The following CCSER1 variants were observed in gnomAD, a reference collection of about 807,000 sequenced individuals.
The protein encoded by CCSER1 is coiled-coil serine rich protein 1, also known as serine-rich coiled-coil domain-containing protein 1.
A neutral mutation model predicts 82.0 loss-of-function variants in CCSER1; 41 were observed. That is an observed-to-expected ratio of 0.50 (90% CI 0.39 to 0.65). CCSER1 has a LOEUF of 0.65. CCSER1 is among the 30% of genes least tolerant of loss of function. The pLI is 0.00. For synonymous variants in CCSER1, 414 were observed against 383.9 expected (o/e 1.08, Z -0.92); for missense variants, 1,119 against 1,064.2 (o/e 1.05, Z -0.72).
intron 4 of CCSER1, among the ~76,000 whole-genome samples, chr4:90,442,390 CA>C (rs1056798434): frequency 2.8e-4 from 43 of 152,052 alleles, no homozygotes; most frequent in Admixed American, 1.0e-3. Context: ...CCCCAAGGAC[CA>C]CCAGAAAAAC....
intron 9 of CCSER1, among the ~76,000 whole-genome samples, chr4:90,927,473 A>G (rs1162262771): frequency 4.6e-5 from 7 of 152,000 alleles, no homozygotes; most frequent in Non-Finnish European, 1.0e-4. Context: ...TTGGCTTCTT[A>G]AAATGGACTG....
intron 10 of CCSER1, among the ~76,000 whole-genome samples, chr4:91,102,004 T>C (rs543491810): frequency 1.3e-5 from 2 of 151,444 alleles, no homozygotes; most frequent in Non-Finnish European, 2.9e-5. Flanking sequence ...AGGATTTTCC[T>C]CACTTTTGCA....
intron 9 of CCSER1, among the ~76,000 whole-genome samples, chr4:90,975,615 A>G (rs1483128822): frequency 6.6e-6 from 1 of 151,154 alleles, no homozygotes; most frequent in African/African-American, 2.4e-5. Context: ...AGTTACTGCA[A>G]CTTCTCTCTG....
At chr4:91,595,943 T>TAAAAAAAAAAAAAAAAAAAA (rs1170927227) in intron 10 of CCSER1, among the ~76,000 whole-genome samples, 1 of 78,888 alleles carries the variant, frequency 1.3e-5, no homozygotes, top group Non-Finnish European at 2.3e-5. Context: ...ACAGAGAACT[T>TAAAAAAAAAAAAAAAAAAAA]AAAAAAAAAA....
At chr4:90,218,215 T>G (rs1560816796) in intron 1 of CCSER1, among the ~76,000 whole-genome samples, 3 of 152,246 alleles carry the variant, frequency 2.0e-5, no homozygotes, top group Non-Finnish European at 4.4e-5. Context: ...TTCATTCATA[T>G]GCTGAATCAC....
intron 9 of CCSER1, among the ~76,000 whole-genome samples, chr4:90,929,960 A>G (rs940623224): frequency 6.6e-6 from 1 of 152,246 alleles, no homozygotes; most frequent in Non-Finnish European, 1.5e-5. Flanking sequence ...ACATATATCA[A>G]TATCAAAATA....
intron 1 of CCSER1, among the ~76,000 whole-genome samples, chr4:90,306,896 T>C (rs911077434): frequency 3.3e-5 from 5 of 152,164 alleles, no homozygotes; most frequent in African/African-American, 1.2e-4. Flanking sequence ...AAAATGGCAG[T>C]CACTAGAATA....
chr4:91,519,294 T>C (rs1284284345), intron 10 of CCSER1, among the ~76,000 whole-genome samples: 1 of 152,046 alleles, frequency 6.6e-6, no homozygotes, highest in Admixed American at 6.5e-5. Flanking sequence ...GCAGCAAAGG[T>C]GAGGGCTTCA....
chr4:90,826,010 G>C (rs1760387067), intron 8 of CCSER1, among the ~76,000 whole-genome samples: 1 of 151,898 alleles, frequency 6.6e-6, no homozygotes, highest in Non-Finnish European at 1.5e-5. Flanking sequence ...TTTTTATAAG[G>C]TACTTTGAAT....
intron 10 of CCSER1, among the ~76,000 whole-genome samples, chr4:91,595,961 A>C (rs956325857): frequency 4.0e-5 from 6 of 151,474 alleles, no homozygotes; most frequent in East Asian, 1.9e-4. Flanking sequence ...AAAAAAAAAA[A>C]AAAAAACCAA....
chr4:90,385,201 G>A (rs949734647), intron 3 of CCSER1, among the ~76,000 whole-genome samples: 2 of 151,998 alleles, frequency 1.3e-5, no homozygotes, highest in Non-Finnish European at 2.9e-5. Flanking sequence ...ATAAGTGCAG[G>A]TGTCTTTTTG....
At chr4:91,564,129 A>C (rs190645239) in intron 10 of CCSER1, among the ~76,000 whole-genome samples, 2 of 151,974 alleles carry the variant, frequency 1.3e-5, no homozygotes, top group Non-Finnish European at 2.9e-5. Context: ...ATGAGTAAGA[A>C]GATGAGGTAT....
intron 10 of CCSER1, among the ~76,000 whole-genome samples, chr4:91,259,410 T>C (rs1405304726): frequency 2.0e-5 from 3 of 152,298 alleles, no homozygotes; most frequent in South Asian, 2.1e-4. Flanking sequence ...CATGAAAGGA[T>C]ATCAACTCAT....
rs1560886060 is a variant in CCSER1, at chr4:90,651,500, G to A, written c.1932+23268G>A. ...TAGGAGTTGAACAATGAGAACACAT[G>A]GACACAGGGATGGGAACATCACACA... On this transcript the variant is annotated intron_variant, in intron 6 of 10. Coordinates refer to ENST00000509176, the MANE Select transcript of CCSER1 (RefSeq NM_001145065.2). 2.0e-5 allele frequency among the ~76,000 whole-genome samples: 3 copies of A among 152,114 alleles called. No individual in the cohort carries two copies. In the South Asian group the frequency reaches 6.2e-4, roughly 31 times the overall value.
rs751145166 is a variant in CCSER1 at position 90,309,272 on chromosome 4, T to C, written c.988T>C (p.Cys330Arg). 1.2e-6 allele frequency: 2 copies of C among 1,613,900 alleles called. No homozygotes were observed. Among genetic ancestry groups the C allele is most frequent in the Admixed American group, 3.3e-5 (2 of 59,976 alleles). The change falls in exon 2 of 11, where the codon TGT becomes CGT. Residue 330 changes from cysteine to arginine, a missense_variant. Transcript: ENST00000509176. ...TGGGAAATATAGGTTAGAGGGTCAA[T>C]GTAGCACTGAATCTAATTCATTACC... ...SPGKYRLEGQ[C>R]STESNSLPET...
At chr4:90,232,157 A>G (rs930031479) in intron 1 of CCSER1, among the ~76,000 whole-genome samples, 7 of 152,198 alleles carry the variant, frequency 4.6e-5, no homozygotes, top group Admixed American at 1.3e-4. Context: ...AAGAGCCCAC[A>G]TCGCCAAGTC....
chr4:90,782,568 G>A (rs1753916143), intron 7 of CCSER1, among the ~76,000 whole-genome samples: 1 of 152,014 alleles, frequency 6.6e-6, no homozygotes, highest in Admixed American at 6.6e-5. Context: ...GGGAATTTAA[G>A]GAAATGAATG....
At chr4:90,627,361 C>G (rs998300100) in intron 5 of CCSER1, among the ~76,000 whole-genome samples, 1 of 151,734 alleles carries the variant, frequency 6.6e-6, no homozygotes, top group Non-Finnish European at 1.5e-5. Flanking sequence ...TGTTTTTTCT[C>G]TATTTAGGTT....
At chr4:90,714,198 G>A (rs985598003) in intron 6 of CCSER1, among the ~76,000 whole-genome samples, 2 of 151,486 alleles carry the variant, frequency 1.3e-5, no homozygotes, top group Non-Finnish European at 2.9e-5. Flanking sequence ...TATTTTATTT[G>A]TGATTGTCTT....
Sources: allele counts gnomAD v4.1 joint callset (sites outside exome capture counted in the v4.1 genomes callset), GRCh38; gene constraint gnomAD v4.1.1; transcripts MANE v1.5; gene names NCBI Gene and HGNC (gene_info 2026-07-23, HGNC 2026-07-21).